MYBPC1: variants seen among roughly 807,000 people sequenced by gnomAD.
MYBPC1 encodes the protein myosin-binding protein C, slow-type.
MYBPC1 carries 52 observed loss-of-function variants against 147.1 expected under a neutral mutation model. That is an observed-to-expected ratio of 0.35 (90% CI 0.28 to 0.45). MYBPC1 has a LOEUF of 0.45. Among genes scored for constraint, MYBPC1 ranks in the 20% least tolerant of loss-of-function variants. The pLI is 1.00. For missense variants in MYBPC1, 1,228 were observed against 1,440.3 expected (o/e 0.85, Z 2.39); for synonymous variants, 477 against 475.9 (o/e 1.00, Z -0.03).
At chr12:101,647,435 C>G (rs1228026830) in intron 13 of MYBPC1, among the ~76,000 whole-genome samples, 1 of 152,176 alleles carries the variant, frequency 6.6e-6, no homozygotes, top group Non-Finnish European at 1.5e-5. Context: ...CATTTAGTAT[C>G]TTCTTTGCTA....
At chr12:101,668,959 C>T (rs549261651) in intron 23 of MYBPC1, among the ~76,000 whole-genome samples, 3 of 152,108 alleles carry the variant, frequency 2.0e-5, no homozygotes, top group Non-Finnish European at 2.9e-5. Context: ...TGGTGGCACA[C>T]GCCTGTGGTC....
intron 18 of MYBPC1, among the ~76,000 whole-genome samples, chr12:101,653,736 G>A (rs560473908): frequency 2.6e-5 from 4 of 152,300 alleles, no homozygotes; most frequent in African/African-American, 9.6e-5. Flanking sequence ...AGGCCAAGGG[G>A]AGAGAATAAG....
chr12:101,686,753 T>C (rs540332500), downstream of MYBPC1, among the ~76,000 whole-genome samples: 1 of 152,322 alleles, frequency 6.6e-6, no homozygotes, highest in South Asian at 2.1e-4. Context: ...CTTTTTTCTT[T>C]CCAGATTTTA....
chr12:101,600,342 G>C (rs1174561895), intron 1 of MYBPC1: 2 of 151,194 alleles, frequency 1.3e-5, no homozygotes, highest in Admixed American at 6.6e-5. Context: ...ACAATTCATA[G>C]AGTTTCCTTT....
chr12:101,607,911 T>C (rs756682003), intron 1 of MYBPC1, among the ~76,000 whole-genome samples: 7 of 152,196 alleles, frequency 4.6e-5, no homozygotes, highest in Non-Finnish European at 8.8e-5. Context: ...CCTTGATCAT[T>C]GAAAATAGAA....
chr12:101,648,513 A>AGTGTTTAGT (rs1893707672), intron 14 of MYBPC1, among the ~76,000 whole-genome samples: 1 of 152,242 alleles, frequency 6.6e-6, no homozygotes, highest in Admixed American at 6.5e-5. Flanking sequence ...AAACATATTT[A>AGTGTTTAGT]GTGTTTAGTA....
chr12:101,668,520 G>T (rs1897913905), intron 23 of MYBPC1, among the ~76,000 whole-genome samples: 1 of 151,922 alleles, frequency 6.6e-6, no homozygotes, highest in Admixed American at 6.6e-5. Context: ...GGAGTGCAAT[G>T]GCACAATCTT....
intron 1 of MYBPC1, among the ~76,000 whole-genome samples, chr12:101,613,878 A>G (rs1005538958): frequency 6.6e-6 from 1 of 152,178 alleles, no homozygotes; most frequent in Non-Finnish European, 1.5e-5. Flanking sequence ...TAAAACAACA[A>G]CAACAAAGCA....
the MYBPC1 span, among the ~76,000 whole-genome samples, chr12:101,694,673 A>G: frequency 6.6e-6 from 1 of 152,192 alleles, no homozygotes; most frequent in Non-Finnish European, 1.5e-5. Context: ...CCCAGCCTCC[A>G]GAACTGTGAG....
chr12:101,684,106 C>G (rs1263945239), intron 30 of MYBPC1, among the ~76,000 whole-genome samples: 1 of 152,112 alleles, frequency 6.6e-6, no homozygotes, highest in East Asian at 1.9e-4. Flanking sequence ...TAGATATTCA[C>G]TATACAATCA....
At chr12:101,684,144 AG>A (rs964270760) in intron 30 of MYBPC1, among the ~76,000 whole-genome samples, 11 of 152,278 alleles carry the variant, frequency 7.2e-5, no homozygotes, top group African/African-American at 2.4e-4. Flanking sequence ...ATTCAGGCAA[AG>A]TAGTTGTGCA....
intron 3 of MYBPC1, among the ~76,000 whole-genome samples, chr12:101,617,596 T>G (rs564698727): frequency 6.6e-6 from 1 of 152,220 alleles, no homozygotes. Context: ...TACCCGGTTT[T>G]TTTTTAAATT....
chr12:101,682,471 G>A lies in MYBPC1; in HGVS notation c.3434-133G>A, dbSNP rs1412890234. 7.5e-6 allele frequency: 6 copies of A among 800,636 alleles called. No individual in the cohort carries two copies. In the African/African-American group the frequency reaches 8.6e-5, roughly 12 times the overall value. 49.6% of individuals were successfully genotyped at this position (800,636 alleles called of 1,614,324 possible). A position where few individuals can be genotyped will look rare whatever the true frequency, so the allele number is the denominator to read the frequency against. On this transcript the variant is annotated intron_variant, in intron 29 of 31. Coordinates refer to ENST00000361466, the MANE Select transcript of MYBPC1 (RefSeq NM_002465.4). ...TTGATAAAAGCTTTTGGTCCTAAAAGTAAAGCTGAAATTGTTTATCATCAG... is the reference window on the plus strand; with the variant it reads ...TTGATAAAAGCTTTTGGTCCTAAAAATAAAGCTGAAATTGTTTATCATCAG...
At chr12:101,677,597 T>C (rs1221618574) in intron 27 of MYBPC1, among the ~76,000 whole-genome samples, 3 of 152,328 alleles carry the variant, frequency 2.0e-5, no homozygotes, top group Middle Eastern at 3.4e-3. Context: ...TTTACAAATA[T>C]AGGCTTTAAT....
intron 5 of MYBPC1, 37 bp from the exon 6 acceptor site, chr12:101,629,397 C>T (rs780222293): frequency 2.9e-6 from 4 of 1,390,922 alleles, no homozygotes; most frequent in Admixed American, 3.4e-5. Flanking sequence ...AAGAGCCTGG[C>T]CCTGAAATAA....
At chr12:101,674,077 T>A (rs1469408930) in intron 25 of MYBPC1, among the ~76,000 whole-genome samples, 4 of 152,126 alleles carry the variant, frequency 2.6e-5, no homozygotes, top group South Asian at 2.1e-4. Flanking sequence ...TAAGATTTGT[T>A]ACCATTTCAA....
chr12:101,629,642 A>G (rs2136028191), intron 6 of MYBPC1, 98 bp downstream of exon 6: 2 of 832,986 alleles, frequency 2.4e-6, no homozygotes, highest in South Asian at 2.9e-5. Flanking sequence ...GGAGGTCCAG[A>G]CAGGCAGATC....
chr12:101,611,353 G>A (rs1884217274), intron 1 of MYBPC1, among the ~76,000 whole-genome samples: 1 of 152,218 alleles, frequency 6.6e-6, no homozygotes, highest in African/African-American at 2.4e-5. Context: ...CAGACAAAAT[G>A]GAAATGGAGA....
intron 22 of MYBPC1, among the ~76,000 whole-genome samples, chr12:101,667,425 T>C (rs1442243045): frequency 6.6e-6 from 1 of 152,238 alleles, no homozygotes; most frequent in Non-Finnish European, 1.5e-5. Flanking sequence ...ATAAAACTGC[T>C]ACAGAATTCT....
Sources: gnomAD v4.1 joint callset for allele counts (sites outside exome capture counted in the v4.1 genomes callset) on GRCh38, gnomAD v4.1.1 for gene constraint, MANE v1.5 for transcripts, NCBI Gene and HGNC (gene_info 2026-07-23, HGNC 2026-07-21) for gene names.